Variants in ARHGAP18 observed in about 807,000 individuals in gnomAD.
ARHGAP18 encodes rho GTPase-activating protein 18.
In ARHGAP18, 67 loss-of-function variants were observed where a neutral mutation model predicts 86.2. That is an observed-to-expected ratio of 0.78 (90% CI 0.64 to 0.95). The LOEUF (loss-of-function observed/expected upper bound fraction) is 0.95, where lower values mean the gene tolerates loss of function less well. ARHGAP18 is among the 40% of genes least tolerant of loss of function. The probability of loss-of-function intolerance (pLI) is 0.00; values close to 1 mark genes in which losing one functional copy is unlikely to be tolerated. For synonymous variants in ARHGAP18, 283 were observed against 280.4 expected (o/e 1.01, Z -0.09); for missense variants, 691 against 780.4 (o/e 0.89, Z 1.37).
intron 9 of ARHGAP18, among the ~76,000 whole-genome samples, chr6:129,607,659 G>A (rs1323904248): frequency 1.1e-4 from 17 of 152,020 alleles, no homozygotes; most frequent in Non-Finnish European, 1.9e-4. Flanking sequence ...CTTAAATGTC[G>A]TGCAATTAAT....
chr6:129,676,915 CTTTTTTTTTTT>C (rs10688716), intron 1 of ARHGAP18, among the ~76,000 whole-genome samples: 5 of 37,960 alleles, frequency 1.3e-4, no homozygotes, highest in African/African-American at 2.8e-4. Flanking sequence ...TTTTTGTCCT[CTTTTTTTTTTT>C]TTTTTTTTTT....
In ARHGAP18 at chr6:129,625,925, T is replaced by TA. The variant is rs1405634487; in HGVS notation, c.786+3427_786+3428insT. The stretch of plus-strand genomic sequence containing the variant: ...ATTTATATATTATATATTATAGATA[T>TA]TTATATATTATATATTATATATTTA... On this transcript the variant is annotated intron_variant, in intron 5 of 14. Transcript: ENST00000368149. 5.5e-3 allele frequency among the ~76,000 whole-genome samples: 562 copies of TA among 101,518 alleles called. 1 individual carries two copies. The highest frequency in any genetic ancestry group is 8.9e-3 in the Non-Finnish European group (481 of 53,860). The allele number at this position is 101,518 out of a possible 152,430, so 66.6% of individuals were successfully genotyped here.
At chr6:129,600,329 C>A (rs1455678672) in intron 11 of ARHGAP18, among the ~76,000 whole-genome samples, 1 of 151,998 alleles carries the variant, frequency 6.6e-6, no homozygotes, top group South Asian at 2.1e-4. Flanking sequence ...TGCATGCATC[C>A]CTTTCAATAA....
At chr6:129,637,885 CTTTCT>C (rs1584076494) in intron 3 of ARHGAP18, among the ~76,000 whole-genome samples, 1 of 152,164 alleles carries the variant, frequency 6.6e-6, no homozygotes, top group Non-Finnish European at 1.5e-5. Flanking sequence ...TGTCTAAGGT[CTTTCT>C]TTTAACACCA....
At chr6:129,655,039 G>A (rs541798148) in intron 1 of ARHGAP18, among the ~76,000 whole-genome samples, 2 of 152,114 alleles carry the variant, frequency 1.3e-5, no homozygotes, top group South Asian at 2.1e-4. Context: ...GGAGAGGCTC[G>A]GCCGGGTGCG....
intron 1 of ARHGAP18, among the ~76,000 whole-genome samples, chr6:129,664,999 T>C (rs1343140921): frequency 6.6e-6 from 1 of 152,186 alleles, no homozygotes; most frequent in Admixed American, 6.5e-5. Context: ...TCTAGGTGAA[T>C]AGTTATTATT....
At chr6:129,590,942 C>G (rs969871533) in intron 12 of ARHGAP18, among the ~76,000 whole-genome samples, 1 of 151,958 alleles carries the variant, frequency 6.6e-6, no homozygotes, top group African/African-American at 2.4e-5. Flanking sequence ...GCTCTTTATC[C>G]CTGAAGAAGA....
intron 1 of ARHGAP18, among the ~76,000 whole-genome samples, chr6:129,674,350 A>C (rs192187456): frequency 1.1e-4 from 17 of 152,328 alleles, no homozygotes; most frequent in Non-Finnish European, 2.2e-4. Context: ...GAGAATATGA[A>C]CATGGTATCC....
chr6:129,619,776 T>C (rs972182632), intron 5 of ARHGAP18, among the ~76,000 whole-genome samples: 1 of 151,696 alleles, frequency 6.6e-6, no homozygotes, highest in Non-Finnish European at 1.5e-5. Flanking sequence ...CTTTTAATTG[T>C]CACAAAAGCC....
At chr6:129,656,967 TAAATAC>T (rs1773851855) in intron 1 of ARHGAP18, among the ~76,000 whole-genome samples, 1 of 152,234 alleles carries the variant, frequency 6.6e-6, no homozygotes, top group Admixed American at 6.5e-5. Context: ...CAATGTCTTA[TAAATAC>T]AACCTGAAGT....
chr6:129,640,585 A>G (rs1773435134), intron 2 of ARHGAP18, among the ~76,000 whole-genome samples: 1 of 152,244 alleles, frequency 6.6e-6, no homozygotes, highest in Admixed American at 6.5e-5. Context: ...TAGATCTAAG[A>G]AATTAAATTA....
At chr6:129,698,136 G>C (rs909128073) in intron 1 of ARHGAP18, among the ~76,000 whole-genome samples, 2 of 152,120 alleles carry the variant, frequency 1.3e-5, no homozygotes, top group Admixed American at 6.6e-5. Context: ...AGTTGTTTTA[G>C]AACCCAATTG....
At chr6:129,623,049 T>C (rs1236530420) in intron 5 of ARHGAP18, among the ~76,000 whole-genome samples, 1 of 141,208 alleles carries the variant, frequency 7.1e-6, no homozygotes, top group African/African-American at 2.7e-5. Context: ...AGAATAAAAA[T>C]TTTCAAAAAA....
chr6:129,585,617 G>C (rs531780716), intron 12 of ARHGAP18, among the ~76,000 whole-genome samples: 1 of 152,274 alleles, frequency 6.6e-6, no homozygotes, highest in African/African-American at 2.4e-5. Context: ...CTGCAGAGTG[G>C]GTGGTGCCCC....
intron 5 of ARHGAP18, among the ~76,000 whole-genome samples, chr6:129,620,513 C>A (rs1004389381): frequency 2.6e-5 from 4 of 152,158 alleles, no homozygotes; most frequent in Non-Finnish European, 5.9e-5. Flanking sequence ...AAGCAAACCA[C>A]AAGATAAAAA....
intron 2 of ARHGAP18, among the ~76,000 whole-genome samples, chr6:129,639,371 A>G (rs1383475399): frequency 2.0e-5 from 3 of 152,224 alleles, no homozygotes; most frequent in Non-Finnish European, 4.4e-5. Context: ...CATCATATTT[A>G]TAGAGGAAAA....
At chr6:129,673,081 T>C (rs1166818256) in intron 1 of ARHGAP18, among the ~76,000 whole-genome samples, 1 of 152,372 alleles carries the variant, frequency 6.6e-6, no homozygotes, top group African/African-American at 2.4e-5. Flanking sequence ...ACTCATTTCA[T>C]AGCATTTACA....
intron 3 of ARHGAP18, among the ~76,000 whole-genome samples, chr6:129,637,073 GT>G (rs993108671): frequency 3.9e-5 from 6 of 151,960 alleles, no homozygotes; most frequent in African/African-American, 1.5e-4. Context: ...TGTTGTTGTT[GT>G]TGTTTTTTGA....
chr6:129,616,705 T>C lies in ARHGAP18; in HGVS notation c.953-402A>G, dbSNP rs755681899. Among the ~76,000 whole-genome samples, 4 of 152,198 alleles carry C rather than the reference T, an allele frequency of 2.6e-5. No homozygotes were observed. In the South Asian group the frequency reaches 8.3e-4, roughly 31 times the overall value. ...GCTTATGTCTATAACCCCAGCACTT[T>C]GGGAAGCCAAGGTGGGAGGATTGCT... On this transcript the variant is annotated intron_variant, in intron 6 of 14. Transcript: ENST00000368149.
Sources: gnomAD v4.1 joint callset for allele counts (sites outside exome capture counted in the v4.1 genomes callset) on GRCh38, gnomAD v4.1.1 for gene constraint, MANE v1.5 for transcripts, NCBI Gene and HGNC (gene_info 2026-07-23, HGNC 2026-07-21) for gene names.